The following TRIO variants were observed in gnomAD, a reference collection of about 807,000 sequenced individuals.
TRIO encodes the protein trio Rho guanine nucleotide exchange factor.
TRIO carries 58 observed loss-of-function variants against 351.9 expected under a neutral mutation model. That is an observed-to-expected ratio of 0.16 (90% confidence interval 0.13 to 0.21). TRIO has a LOEUF of 0.21. Ranked by LOEUF, TRIO falls within the 10% of genes least tolerant of loss-of-function variation. TRIO has a pLI of 1.00. For synonymous variants in TRIO, 1,758 were observed against 1,595.7 expected, an observed-to-expected ratio of 1.10 and a Z score of -2.42; for missense variants, 3,201 against 4,027.8, an observed-to-expected ratio of 0.79 and a Z score of 5.56.
intron 34 of TRIO, among the ~76,000 whole-genome samples, chr5:14,458,723 G>A (rs903871862): frequency 3.9e-5 from 6 of 152,148 alleles, no homozygotes; most frequent in Admixed American, 1.3e-4. Flanking sequence ...AAAAATATTC[G>A]TTGAATAAAT....
At chr5:14,266,659 A>G (rs1316145499) in intron 1 of TRIO, among the ~76,000 whole-genome samples, 1 of 152,200 alleles carries the variant, frequency 6.6e-6, no homozygotes, top group African/African-American at 2.4e-5. Flanking sequence ...AAATCTCTAA[A>G]CATTCCAATT....
chr5:14,402,130 A>C (rs1339658066), intron 31 of TRIO, among the ~76,000 whole-genome samples: 1 of 152,224 alleles, frequency 6.6e-6, no homozygotes, highest in Non-Finnish European at 1.5e-5. Flanking sequence ...AGTTGCACCG[A>C]TAGCTAAATT....
At chr5:14,361,843 C>T (rs78261694) in intron 13 of TRIO, among the ~76,000 whole-genome samples, 34,515 of 152,116 alleles carry the variant, frequency 0.23, 4,543 homozygotes, top group Middle Eastern at 0.36. Flanking sequence ...TATGGCCAGA[C>T]GTGGTGGCTC....
chr5:14,390,330 C>A, intron 26 of TRIO, 30 bp downstream of exon 26: 2 of 1,607,688 alleles, frequency 1.2e-6, no homozygotes, highest in Non-Finnish European at 1.7e-6. Context: ...TTGTTCTCTC[C>A]CAGCTATTAG....
At chr5:14,449,456 G>T (rs1050539378) in intron 34 of TRIO, among the ~76,000 whole-genome samples, 3 of 152,128 alleles carry the variant, frequency 2.0e-5, no homozygotes, top group African/African-American at 4.8e-5. Context: ...CTTTCAAGAC[G>T]TGACTCACTA....
intron 3 of TRIO, among the ~76,000 whole-genome samples, chr5:14,281,434 C>CCCA (rs1735995524): frequency 7.8e-6 from 1 of 127,952 alleles, no homozygotes; most frequent in East Asian, 2.9e-4. Flanking sequence ...ACCCCCCCCC[C>CCCA]CCGCCCCGTG....
In TRIO at chr5:14,363,878, C is replaced by T; in HGVS notation, c.2538C>T (p.Ile846=). Residue 846 remains isoleucine (I), a synonymous_variant, in exon 14 of 57, where the codon ATC becomes ATT. Transcript: ENST00000344204. ...TGAACAACTTGACTTTTGACGTCAT[C>T]CACCAAGGGCAAGATCTTCTGCAGT... ...LTMNNLTFDV[I]HQGQDLLQYV... 6.2e-7 allele frequency: 1 copy of T among 1,614,202 alleles called. No individual in the cohort carries two copies. The highest frequency in any genetic ancestry group is 8.5e-7 in the Non-Finnish European group (1 of 1,180,032).
chr5:14,293,948 G>A (rs1269590812), intron 6 of TRIO, among the ~76,000 whole-genome samples: 3 of 151,702 alleles, frequency 2.0e-5, no homozygotes, highest in Middle Eastern at 3.2e-3. Context: ...ACCTTGTAAC[G>A]TTTGTTGTAG....
chr5:14,281,933 C>G (rs1318915258), intron 3 of TRIO, among the ~76,000 whole-genome samples: 1 of 152,190 alleles, frequency 6.6e-6, no homozygotes, highest in African/African-American at 2.4e-5. Flanking sequence ...ACGTGGTTCA[C>G]AGCACTCAAC....
intron 36 of TRIO, 67 bp from the exon 37 acceptor site, chr5:14,465,475 ATTT>A: frequency 6.8e-7 from 1 of 1,468,662 alleles, no homozygotes; most frequent in South Asian, 1.1e-5. Context: ...TTGCAGGGGA[ATTT>A]ACTGTCTGAC....
chr5:14,406,189 C>T lies in TRIO; in HGVS notation c.4859+199C>T, dbSNP rs146761839. ...AGAGCCTCTATTGGCTTAGAGTAAA[C>T]GAAGGGCTGTGTGCAAACCTCTCAT... is the stretch of plus-strand genomic sequence containing the variant. On this transcript the variant is annotated intron_variant, in intron 32 of 56. Transcript: ENST00000344204. The T allele has an allele frequency of 2.2e-3, 1,789 of 803,842 alleles. 3 individuals carry two copies. Among genetic ancestry groups the T allele is most frequent in the Middle Eastern group, 4.6e-3 (12 of 2,596 alleles). The allele number at this position is 803,842 out of a possible 1,614,324, so 49.8% of individuals were successfully genotyped here. A position where few individuals can be genotyped will look rare whatever the true frequency, so the allele number is the denominator to read the frequency against.
chr5:14,189,912 G>A (rs1046809485), intron 1 of TRIO, among the ~76,000 whole-genome samples: 1 of 151,744 alleles, frequency 6.6e-6, no homozygotes, highest in South Asian at 2.1e-4. Context: ...TGTAGAGATG[G>A]GGTCTTGCTG....
intron 1 of TRIO, among the ~76,000 whole-genome samples, chr5:14,153,594 C>A (rs999577487): frequency 3.3e-5 from 5 of 152,150 alleles, no homozygotes; most frequent in African/African-American, 1.2e-4. Flanking sequence ...TGGATAGAAG[C>A]AGCTCCCCCT....
chr5:14,462,775 G>C lies in TRIO; in HGVS notation c.5517G>C (p.Leu1839=), dbSNP rs753897752. Residue 1839 remains leucine, a synonymous_variant, in exon 36 of 57, where the codon CTG becomes CTC. Transcript: ENST00000344204. ...TVEERGRNEG[L]SSGTLSKSSS... ...TTCAGAGAGGCCGGAACGAGGGCCT[G>C]AGCAGCGGTACTCTCTCCAAATCCT... 1.9e-6 allele frequency: 3 copies of C among 1,614,228 alleles called. No individual in the cohort carries two copies. The highest frequency in any genetic ancestry group is 1.7e-5 in the Admixed American group (1 of 60,026).
At chr5:14,407,461 T>G (rs1048282831) in intron 33 of TRIO, among the ~76,000 whole-genome samples, 9 of 152,236 alleles carry the variant, frequency 5.9e-5, no homozygotes, top group Non-Finnish European at 1.2e-4. Context: ...GCTCCTGTTA[T>G]GAGAAAGTCC....
chr5:14,158,149 G>T (rs1004365743), intron 1 of TRIO, among the ~76,000 whole-genome samples: 1 of 152,112 alleles, frequency 6.6e-6, no homozygotes, highest in African/African-American at 2.4e-5. Context: ...GGAATAGGCC[G>T]GGCGCTGTGG....
intron 6 of TRIO, among the ~76,000 whole-genome samples, chr5:14,293,461 G>GA (rs2152287026): frequency 6.6e-6 from 1 of 152,362 alleles, no homozygotes; most frequent in Non-Finnish European, 1.5e-5. Flanking sequence ...AAGCTGCTGG[G>GA]AGGCACAGTG....
At chr5:14,311,603 G>T (rs945817616) in intron 8 of TRIO, among the ~76,000 whole-genome samples, 1 of 152,216 alleles carries the variant, frequency 6.6e-6, no homozygotes. Flanking sequence ...AATGTCAACT[G>T]TTGCTGCAGA....
chr5:14,324,116 AG>A (rs1303444026), intron 9 of TRIO, among the ~76,000 whole-genome samples: 1 of 152,352 alleles, frequency 6.6e-6, no homozygotes, highest in African/African-American at 2.4e-5. Flanking sequence ...ACAGTGACTG[AG>A]TAACTAAAAT....
Sources: allele counts gnomAD v4.1 joint callset (sites outside exome capture counted in the v4.1 genomes callset), GRCh38; gene constraint gnomAD v4.1.1; transcripts MANE v1.5; gene names NCBI Gene and HGNC (gene_info 2026-07-23, HGNC 2026-07-21).